Variants in PRKCE observed in about 807,000 individuals in gnomAD.
PRKCE encodes protein kinase C epsilon type.
Under a neutral mutation model 85.4 loss-of-function variants are expected in PRKCE, and 16 were observed. The ratio of observed to expected loss-of-function variants is 0.19; its 90% confidence interval spans 0.13 to 0.28. The LOEUF is 0.28. PRKCE is among the 10% of genes least tolerant of loss of function. The probability of loss-of-function intolerance (pLI) is 1.00; values close to 1 mark genes in which losing one functional copy is unlikely to be tolerated. For missense variants in PRKCE, 573 were observed against 975.2 expected (o/e 0.59, Z 5.49); for synonymous variants, 388 against 371.5 (o/e 1.04, Z -0.51).
chr2:45,686,432 A>G (rs1677304615), intron 1 of PRKCE: 1 of 152,206 alleles, frequency 6.6e-6, no homozygotes, highest in Non-Finnish European at 1.5e-5. Context: ...AAAAGAGAAA[A>G]AGGTATACAT....
chr2:45,673,993 C>G (rs960473596), intron 1 of PRKCE, among the ~76,000 whole-genome samples: 2 of 151,310 alleles, frequency 1.3e-5, no homozygotes, highest in Non-Finnish European at 2.9e-5. Flanking sequence ...GTTCACAAAT[C>G]AATTGTTGCT....
intron 1 of PRKCE, among the ~76,000 whole-genome samples, chr2:45,777,230 C>A (rs1196001800): frequency 6.6e-6 from 1 of 152,096 alleles, no homozygotes; most frequent in Non-Finnish European, 1.5e-5. Context: ...TTGTCAGGGA[C>A]AACTTTCTTG....
chr2:45,947,167 A>G (rs979689126), intron 2 of PRKCE, among the ~76,000 whole-genome samples: 20 of 152,382 alleles, frequency 1.3e-4, no homozygotes, highest in South Asian at 6.2e-4. Context: ...GAGACATGCT[A>G]CAATATGGAT....
chr2:45,728,166 A>G (rs1681248083), intron 1 of PRKCE, among the ~76,000 whole-genome samples: 1 of 152,200 alleles, frequency 6.6e-6, no homozygotes, highest in South Asian at 2.1e-4. Flanking sequence ...TTCGTATCCC[A>G]TCAAGGGAGT....
At chr2:45,881,508 T>C (rs534768696) in intron 2 of PRKCE, among the ~76,000 whole-genome samples, 1 of 152,354 alleles carries the variant, frequency 6.6e-6, no homozygotes, top group Admixed American at 6.5e-5. Context: ...TTAAAATATT[T>C]TATATTCAAA....
At chr2:45,781,145 C>A (rs889476903) in intron 1 of PRKCE, among the ~76,000 whole-genome samples, 4 of 151,320 alleles carry the variant, frequency 2.6e-5, no homozygotes, top group African/African-American at 9.8e-5. Flanking sequence ...CCAGCCTGGG[C>A]AACATACGGA....
intron 1 of PRKCE, among the ~76,000 whole-genome samples, chr2:45,728,913 A>G (rs1681319924): frequency 6.6e-6 from 1 of 152,190 alleles, no homozygotes; most frequent in African/African-American, 2.4e-5. Context: ...ATTTGAACTC[A>G]GTATACGGTG....
intron 10 of PRKCE, among the ~76,000 whole-genome samples, chr2:46,053,891 T>C (rs1345927629): frequency 6.6e-6 from 1 of 152,242 alleles, no homozygotes; most frequent in African/African-American, 2.4e-5. Flanking sequence ...AGAAGCAGAA[T>C]TGCTGACTCA....
chr2:46,007,240 GTCC>G (rs2104774186), intron 8 of PRKCE, among the ~76,000 whole-genome samples: 1 of 152,322 alleles, frequency 6.6e-6, no homozygotes, highest in South Asian at 2.1e-4. Context: ...AAGGGACTGT[GTCC>G]TCCTCCTCTT....
intron 6 of PRKCE, among the ~76,000 whole-genome samples, chr2:45,985,882 C>T (rs1029432423): frequency 5.9e-5 from 9 of 152,210 alleles, no homozygotes; most frequent in Non-Finnish European, 1.3e-4. Context: ...TTCTCACTGA[C>T]AGTTGGGGAA....
intron 2 of PRKCE, among the ~76,000 whole-genome samples, chr2:45,959,366 G>A (rs577209438): frequency 3.9e-5 from 6 of 152,286 alleles, no homozygotes; most frequent in African/African-American, 1.4e-4. Context: ...CTTCATTTTA[G>A]TTCTCCTGCC....
intron 6 of PRKCE, among the ~76,000 whole-genome samples, chr2:45,995,794 A>T (rs1403977213): frequency 2.0e-5 from 3 of 152,010 alleles, no homozygotes; most frequent in African/African-American, 7.2e-5. Context: ...CAGTCTTCTG[A>T]CTTCGTTCTT....
intron 2 of PRKCE, among the ~76,000 whole-genome samples, chr2:45,923,610 G>A (rs930098425): frequency 6.6e-6 from 1 of 152,178 alleles, no homozygotes; most frequent in African/African-American, 2.4e-5. Context: ...GTGCTGCGGT[G>A]GATATAGAAG....
chr2:45,723,756 C>G (rs909625393), intron 1 of PRKCE, among the ~76,000 whole-genome samples: 1 of 152,068 alleles, frequency 6.6e-6, no homozygotes, highest in Non-Finnish European at 1.5e-5. Context: ...GGGCGCCCAC[C>G]ACCACACCCA....
At position 46,001,619 on chromosome 2, in the gene PRKCE, C is replaced by T. The variant is rs1704690110; in HGVS notation, c.966+73C>T. On this transcript the variant is annotated intron_variant, in intron 7 of 14. Transcript: ENST00000306156. This position sits in a 1 kb window ranked among gnomAD's most constrained non-coding sequence, Gnocchi z 4.4. ...TTTCTGTGCTGACTTCCAGAGGGTGCTCTGGAGTGAGGTAATAAGATTCCT... is the reference window on the plus strand; with the variant it reads ...TTTCTGTGCTGACTTCCAGAGGGTGTTCTGGAGTGAGGTAATAAGATTCCT... 4 of 1,498,550 alleles carry T rather than the reference C, an allele frequency of 2.7e-6. No individual in the cohort carries two copies. The East Asian group carries it at 9.6e-5, about 36-fold the overall frequency. The allele number at this position is 1,498,550 out of a possible 1,614,324, so 92.8% of individuals were successfully genotyped here. A position where few individuals can be genotyped will look rare whatever the true frequency, so the allele number is the denominator to read the frequency against.
At chr2:45,808,738 A>C (rs1051773448) in intron 1 of PRKCE, among the ~76,000 whole-genome samples, 12 of 152,164 alleles carry the variant, frequency 7.9e-5, no homozygotes, top group African/African-American at 2.4e-4. Context: ...TAATCTTAGG[A>C]CTGGAAATTG....
intron 10 of PRKCE, among the ~76,000 whole-genome samples, chr2:46,048,483 GC>G (rs1444353436): frequency 1.3e-5 from 2 of 152,194 alleles, no homozygotes; most frequent in African/African-American, 4.8e-5. Context: ...TCCCACCAGA[GC>G]CCCTCTGCCA....
intron 14 of PRKCE, among the ~76,000 whole-genome samples, chr2:46,169,103 G>A (rs1291385960): frequency 2.6e-5 from 4 of 152,234 alleles, no homozygotes; most frequent in Admixed American, 6.5e-5. Flanking sequence ...AAGCTGACTG[G>A]GGGGGTGTGT....
intron 10 of PRKCE, among the ~76,000 whole-genome samples, chr2:46,025,613 C>G (rs1707045561): frequency 6.6e-6 from 1 of 152,200 alleles, no homozygotes; most frequent in Non-Finnish European, 1.5e-5. Flanking sequence ...TGTGCTCCCT[C>G]TCTCTCCCTT....
Sources: gnomAD v4.1 joint callset for allele counts (sites outside exome capture counted in the v4.1 genomes callset) on GRCh38, gnomAD v4.1.1 for gene constraint, Gnocchi (gnomAD v3.1) non-coding constraint, MANE v1.5 for transcripts, NCBI Gene and HGNC (gene_info 2026-07-23, HGNC 2026-07-21) for gene names.